The following DLGAP5 variants were observed in gnomAD, a reference collection of about 807,000 sequenced individuals.
The protein encoded by DLGAP5 is DLG associated protein 5.
Under a neutral mutation model 99.6 loss-of-function variants are expected in DLGAP5, and 90 were observed. The observed-to-expected ratio is 0.90, with a 90% CI of 0.76 to 1.08. DLGAP5 has a LOEUF of 1.08. Among genes scored for constraint, DLGAP5 ranks in the 50% least tolerant of loss-of-function variants. The pLI, the probability that DLGAP5 is intolerant of heterozygous loss-of-function variation, is 0.00. For missense variants in DLGAP5, 1,036 were observed against 983.5 expected (o/e 1.05, Z -0.71); for synonymous variants, 311 against 321.3 (o/e 0.97, Z 0.34).
chr14:55,159,905 C>T (rs551176325), intron 13 of DLGAP5, among the ~76,000 whole-genome samples: 6 of 152,192 alleles, frequency 3.9e-5, no homozygotes, highest in Middle Eastern at 6.8e-3. Flanking sequence ...AATATAATTT[C>T]AAAAACAAGG....
In DLGAP5 at chr14:55,158,553, G is replaced by A. The variant is rs1342770879; in HGVS notation, c.1842C>T (p.Phe614=). The change falls in exon 14 of 19, where the codon TTC becomes TTT. Residue 614 remains phenylalanine (F), a synonymous_variant. Transcript: ENST00000247191. ...ATAATTTAACAGGACTTTCAACTCT[G>A]AAAAATCCAGCATCGAACACTATTT... The part of the protein sequence containing the change: ...VDKIVFDAGF[F]RVESPVKLFS... The A allele has an allele frequency of 6.2e-7, 1 of 1,613,894 alleles. No individual in the cohort carries two copies. The highest frequency in any genetic ancestry group is 1.1e-5 in the South Asian group (1 of 91,032).
At chr14:55,161,770 A>C (rs1882445404) in intron 13 of DLGAP5, among the ~76,000 whole-genome samples, 1 of 142,846 alleles carries the variant, frequency 7.0e-6, no homozygotes, top group Non-Finnish European at 1.5e-5. Context: ...AGCACTTTGG[A>C]GGCTGAGGCA....
Position 55,152,297 on chromosome 14 carries a change from T to C in DLGAP5, c.2121+293A>G, listed in dbSNP as rs529368301. ...TGCAAAAGCAGCCAGATAGAATACA[T>C]AAACAAATGTGTGGCTATTACAATA... On this transcript the variant is annotated intron_variant, in intron 16 of 18. Coordinates refer to ENST00000247191, the MANE Select transcript of DLGAP5 (RefSeq NM_014750.5). Among the ~76,000 whole-genome samples, 34 of 152,338 alleles carry C rather than the reference T, an allele frequency of 2.2e-4. 1 individual carries two copies. In the South Asian group the frequency reaches 7.0e-3, roughly 32 times the overall value.
intron 14 of DLGAP5, among the ~76,000 whole-genome samples, chr14:55,157,586 A>T (rs1369606656): frequency 6.6e-6 from 1 of 152,230 alleles, no homozygotes; most frequent in East Asian, 1.9e-4. Flanking sequence ...GTCTGTGGAA[A>T]AAAAAGCTAT....
At position 55,152,618 on chromosome 14, in the gene DLGAP5, C is replaced by A; in HGVS notation, c.2093G>T (p.Gly698Val). The change falls in exon 16 of 19, where the codon GGA becomes GTA. Residue 698 changes from glycine to valine, a missense_variant. By Grantham distance (109) the Gly-to-Val change is moderately radical. Transcript: ENST00000247191. Reference protein sequence around the residue: ...RSSIEDAQCPGLPDLIEENHV... With the variant: ...RSSIEDAQCPVLPDLIEENHV... ...ATTTTCTTCAATTAAATCTGGTAAT[C>A]CAGGACACTGAGCATCTTCTATGCT... The A allele has an allele frequency of 6.2e-7, 1 of 1,601,796 alleles. No individual in the cohort carries two copies. Among genetic ancestry groups the A allele is most frequent in the African/African-American group, 1.3e-5 (1 of 74,786 alleles).
chr14:55,180,015 C>G (rs1883222176), intron 6 of DLGAP5, among the ~76,000 whole-genome samples: 1 of 152,014 alleles, frequency 6.6e-6, no homozygotes, highest in South Asian at 2.1e-4. Context: ...GTTCAGCATA[C>G]TTGATACAAA....
chr14:55,189,937 CCTTGGTCTGT>C (rs1280641059), intron 1 of DLGAP5, among the ~76,000 whole-genome samples: 2 of 152,144 alleles, frequency 1.3e-5, no homozygotes, highest in African/African-American at 4.8e-5. Flanking sequence ...AGAAATCCTG[CCTTGGTCTGT>C]CTAGTGACCA....
rs893796704 is a variant in DLGAP5 at position 55,181,297 on chromosome 14, T to C, written c.496A>G (p.Ile166Val). The C allele has an allele frequency of 3.1e-6, 5 of 1,613,420 alleles. No individual in the cohort carries two copies. Among genetic ancestry groups the C allele is most frequent in the Non-Finnish European group, 4.2e-6 (5 of 1,179,602 alleles). The change falls in exon 5 of 19, where the codon ATT becomes GTT. Residue 166 changes from isoleucine (I) to valine (V), a missense_variant and splice_region_variant. By Grantham distance (29) the Ile-to-Val change is conservative. Transcript: ENST00000247191. ...GCTCGAACATCACTCTCGTTATCAA[T>C]CTATTTAAGAGATTAGGTGCTATGT... ...KAKDQMEQTKIDNESDVRAIR... is the reference protein window; with the variant it reads ...KAKDQMEQTKVDNESDVRAIR...
Position 55,150,707 on chromosome 14 carries a change from C to T in DLGAP5, c.2418+92G>A, listed in dbSNP as rs1881985518. The T allele has an allele frequency of 6.2e-6, 6 of 974,378 alleles. No homozygotes were observed. The South Asian group carries it at 8.9e-5, about 14-fold the overall frequency. The allele number at this position is 974,378 out of a possible 1,614,324, so 60.4% of individuals were successfully genotyped here. ...GTAAGCAAAACAATGACAAGATATACATTTTAAGCCTTGTACACAAATAGA... is the reference window on the plus strand; with the variant it reads ...GTAAGCAAAACAATGACAAGATATATATTTTAAGCCTTGTACACAAATAGA... On this transcript the variant is annotated intron_variant, in intron 18 of 18. Transcript: ENST00000247191.
intron 10 of DLGAP5, among the ~76,000 whole-genome samples, chr14:55,173,603 CTA>C (rs202195474): frequency 0.021 from 3,121 of 148,328 alleles, 106 homozygotes; most frequent in African/African-American, 0.076. Flanking sequence ...CTCTCTCTCT[CTA>C]TATATATATA....
At chr14:55,161,874 CAAAAAAAAAAAAA>C (rs34002442) in intron 13 of DLGAP5, among the ~76,000 whole-genome samples, 3 of 37,960 alleles carry the variant, frequency 7.9e-5, no homozygotes, top group South Asian at 2.9e-3. Context: ...AACTCTGTCT[CAAAAAAAAAAAAA>C]AAAAAAAAAA....
At chr14:55,176,984 A>G (rs1594679033) in intron 8 of DLGAP5, 78 bp downstream of exon 8, 2 of 881,002 alleles carry the variant, frequency 2.3e-6, no homozygotes, top group South Asian at 4.2e-5. Context: ...CTGAAAAAAA[A>G]AAAAAAAAAA....
chr14:55,158,873 CA>C, intron 13 of DLGAP5, 132 bp from the exon 14 acceptor site: 1 of 658,132 alleles, frequency 1.5e-6, no homozygotes, highest in Admixed American at 3.1e-5. Flanking sequence ...TCACATTCAT[CA>C]TATATTTATC....
chr14:55,164,603 G>A (rs181023841), intron 12 of DLGAP5, among the ~76,000 whole-genome samples: 1 of 152,108 alleles, frequency 6.6e-6, no homozygotes, highest in African/African-American at 2.4e-5. Flanking sequence ...GTTCTTAGAT[G>A]TGGTGTCAAA....
rs746831155 is a variant in DLGAP5 at position 55,154,798 on chromosome 14, C to A, written c.1882G>T (p.Val628Phe). ...CTTTGAGAAGGGCCTTCAGAAGAGA[C>A]AGAAAGTCCTAGAAGATGAGAGAAA... ...SPVKLFSGLS[V>F]SSEGPSQRLG... Residue 628 changes from valine (V) to phenylalanine (F), a missense_variant, in exon 15 of 19, where the codon GTC (valine) becomes TTC (phenylalanine). By Grantham distance (50) the Val-to-Phe change is conservative. Coordinates refer to ENST00000247191, the MANE Select transcript of DLGAP5 (RefSeq NM_014750.5). 10 of 1,613,744 alleles carry A rather than the reference C, an allele frequency of 6.2e-6. No individual in the cohort carries two copies. The highest frequency in any genetic ancestry group is 8.5e-6 in the Non-Finnish European group (10 of 1,179,922).
At chr14:55,152,489 T>C (rs748170657) in intron 16 of DLGAP5, 101 bp downstream of exon 16, 155 of 876,052 alleles carry the variant, frequency 1.8e-4, no homozygotes, top group Non-Finnish European at 2.4e-4. Flanking sequence ...CTGATTTAGA[T>C]TTCCAACGGA....
intron 8 of DLGAP5, among the ~76,000 whole-genome samples, chr14:55,176,839 G>A (rs188985234): frequency 2.6e-5 from 4 of 151,876 alleles, no homozygotes; most frequent in African/African-American, 4.8e-5. Context: ...TTAGCCGGGC[G>A]TGGTGACGGG....
Position 55,183,663 on chromosome 14 carries a change from C to T in DLGAP5, c.329G>A (p.Arg110Lys). 1.2e-6 allele frequency: 2 copies of T among 1,612,324 alleles called. No individual in the cohort carries two copies. The highest frequency in any genetic ancestry group is 1.7e-6 in the Non-Finnish European group (2 of 1,179,556). Reference sequence around the variant, plus strand: ...AAATATTCCTCGTTTAGCTTTCTCTCTCTGCTCTTTCAATTTTTGAAGTTG... The same window carrying T: ...AAATATTCCTCGTTTAGCTTTCTCTTTCTGCTCTTTCAATTTTTGAAGTTG... ...EKQLQKLKEQ[R>K]EKAKRGIFKV... The change falls in exon 3 of 19, where the codon AGA (arginine) becomes AAA (lysine). Residue 110 changes from arginine to lysine, a missense_variant. Transcript: ENST00000247191.
At chr14:55,150,953 G>A in intron 17 of DLGAP5, 105 bp from the exon 18 acceptor site, 2 of 713,756 alleles carry the variant, frequency 2.8e-6, no homozygotes, top group Middle Eastern at 7.5e-4. Context: ...CATATCAAAT[G>A]CTAAGACAAA....
Sources: allele counts gnomAD v4.1 joint callset (sites outside exome capture counted in the v4.1 genomes callset), GRCh38; gene constraint gnomAD v4.1.1; transcripts MANE v1.5; gene names NCBI Gene and HGNC (gene_info 2026-07-23, HGNC 2026-07-21).